Variants in RPTOR observed in about 807,000 individuals in gnomAD.
RPTOR encodes the protein regulatory-associated protein of mTOR.
RPTOR carries 21 observed loss-of-function variants against 169.9 expected under a neutral mutation model. The observed-to-expected ratio is 0.12, with a 90% CI of 0.09 to 0.18. The LOEUF (loss-of-function observed/expected upper bound fraction) is 0.18, where lower values mean the gene tolerates loss of function less well. Ranked by LOEUF, RPTOR falls within the 10% of genes least tolerant of loss-of-function variation. The probability of loss-of-function intolerance (pLI) is 1.00; values close to 1 mark genes in which losing one functional copy is unlikely to be tolerated. For missense variants in RPTOR, 1,133 were observed against 1,855.9 expected (o/e 0.61, Z 7.16); for synonymous variants, 732 against 753.2 (o/e 0.97, Z 0.46).
chr17:80,810,305 G>T (rs966254890), intron 7 of RPTOR, among the ~76,000 whole-genome samples: 7 of 151,950 alleles, frequency 4.6e-5, no homozygotes, highest in African/African-American at 9.7e-5. Context: ...TTAAGTCTGC[G>T]ATCCGTTTCA....
intron 3 of RPTOR, among the ~76,000 whole-genome samples, chr17:80,684,454 T>C (rs1234467987): frequency 2.1e-5 from 3 of 142,904 alleles, no homozygotes; most frequent in Admixed American, 7.1e-5. Context: ...ATTTATTTAA[T>C]TTTTCTGGAG....
intron 21 of RPTOR, among the ~76,000 whole-genome samples, chr17:80,913,001 T>A (rs1382227623): frequency 6.6e-6 from 1 of 152,138 alleles, no homozygotes; most frequent in Non-Finnish European, 1.5e-5. Flanking sequence ...CTTGTGTGTG[T>A]GTGTCTGTGT....
chr17:80,951,876 G>C (rs2069183361), intron 28 of RPTOR, among the ~76,000 whole-genome samples: 1 of 152,188 alleles, frequency 6.6e-6, no homozygotes, highest in Non-Finnish European at 1.5e-5. Flanking sequence ...CTGGAGACAG[G>C]GCCTTTACAG....
chr17:80,913,738 C>G (rs1160717786), intron 21 of RPTOR, among the ~76,000 whole-genome samples: 1 of 152,202 alleles, frequency 6.6e-6, no homozygotes, highest in African/African-American at 2.4e-5. Flanking sequence ...CAGGCATGAG[C>G]CACTGCACCT....
intron 5 of RPTOR, among the ~76,000 whole-genome samples, chr17:80,741,114 A>G (rs2066478273): frequency 6.6e-6 from 1 of 152,158 alleles, no homozygotes. Context: ...GCTTCAGAAG[A>G]TAGTCTGGCA....
chr17:80,804,900 G>C (rs901816100), intron 7 of RPTOR: 5 of 152,312 alleles, frequency 3.3e-5, no homozygotes, highest in African/African-American at 9.7e-5. Flanking sequence ...GATGTGTACA[G>C]CATGGGAGGA....
chr17:80,814,450 C>A (rs372256484), intron 7 of RPTOR, among the ~76,000 whole-genome samples: 1 of 152,058 alleles, frequency 6.6e-6, no homozygotes, highest in African/African-American at 2.4e-5. Context: ...GCCACCAGAG[C>A]GTTTCACGAG....
chr17:80,625,640 A>C (rs764920389), intron 1 of RPTOR, 51 bp from the exon 2 acceptor site: 1 of 1,375,780 alleles, frequency 7.3e-7, no homozygotes, highest in Non-Finnish European at 1.0e-6. Flanking sequence ...AAAACACATA[A>C]ACGAGTTCCA....
intron 1 of RPTOR, among the ~76,000 whole-genome samples, chr17:80,616,672 G>C (rs7503186): frequency 0.28 from 43,005 of 152,028 alleles, 6,626 homozygotes; most frequent in Non-Finnish European, 0.36. Context: ...CCTGTAGTCT[G>C]AGCTACTCGG....
At position 80,625,878 on chromosome 17, in the gene RPTOR, T is replaced by A. The variant is rs569943835; in HGVS notation, c.265+85T>A. The stretch of plus-strand genomic sequence containing the variant: ...GGGGCTCGCCAAGCCTGTGGTCTGG[T>A]CCAGGGGCCCGTCTCCAGCTGTGCA... On this transcript the variant is annotated intron_variant, in intron 2 of 33. Coordinates refer to ENST00000306801, the MANE Select transcript of RPTOR (RefSeq NM_020761.3). 3.1e-5 allele frequency: 28 copies of A among 901,612 alleles called. No homozygotes were observed. The African/African-American group carries it at 3.7e-4, about 12-fold the overall frequency. The allele number at this position is 901,612 out of a possible 1,614,324, so 55.9% of individuals were successfully genotyped here. A position where few individuals can be genotyped will look rare whatever the true frequency, so the allele number is the denominator to read the frequency against.
At chr17:80,545,943 G>T in intron 1 of RPTOR, 152 bp downstream of exon 1, 1 of 612,358 alleles carries the variant, frequency 1.6e-6, no homozygotes, top group Non-Finnish European at 2.7e-6. Flanking sequence ...TCAGACTGCA[G>T]TTTTTGGTTG....
At chr17:80,598,595 G>A (rs113827457) in intron 1 of RPTOR, among the ~76,000 whole-genome samples, 27 of 152,364 alleles carry the variant, frequency 1.8e-4, no homozygotes, top group Admixed American at 7.2e-4. Flanking sequence ...AGTCCAAGTT[G>A]CTGATCTTTT....
rs1197342364 is a variant in RPTOR at position 80,617,987 on chromosome 17, C to CTTTTTTTTTTTTTTTTTTTTTTTTTT, written c.163-7693_163-7692insTTTTTTTTTTTTTTTTTTTTTTTTTT. ...TTTAGTTTGCTTAAAATAGTTACAA[C>CTTTTTTTTTTTTTTTTTTTTTTTTTT]TTTTTTTTTTTAAGACGGGGTCTTG... is the stretch of plus-strand genomic sequence containing the variant. On this transcript the variant is annotated intron_variant, in intron 1 of 33. Coordinates refer to ENST00000306801, the MANE Select transcript of RPTOR (RefSeq NM_020761.3). Among the ~76,000 whole-genome samples, 38 of 146,432 alleles carry CTTTTTTTTTTTTTTTTTTTTTTTTTT rather than the reference C, an allele frequency of 2.6e-4. 3 individuals carry two copies. The highest frequency in any genetic ancestry group is 9.2e-4 in the African/African-American group (36 of 39,136).
chr17:80,760,578 A>G (rs2066726682), intron 6 of RPTOR, among the ~76,000 whole-genome samples: 1 of 152,112 alleles, frequency 6.6e-6, no homozygotes, highest in Non-Finnish European at 1.5e-5. Flanking sequence ...CTGAGATTAC[A>G]GGCACGAGCC....
chr17:80,773,944 TG>T (rs961597215), intron 6 of RPTOR: 1 of 985,042 alleles, frequency 1.0e-6, no homozygotes, highest in African/African-American at 1.8e-5. Flanking sequence ...CGGCCTGCCC[TG>T]GGGGCTATGG....
At chr17:80,596,419 G>A (rs1020782122) in intron 1 of RPTOR, among the ~76,000 whole-genome samples, 1 of 151,994 alleles carries the variant, frequency 6.6e-6, no homozygotes, top group African/African-American at 2.4e-5. Context: ...TATTAGGTTC[G>A]ACTTTTTTTT....
intron 2 of RPTOR, among the ~76,000 whole-genome samples, chr17:80,636,772 C>T (rs541045157): frequency 3.3e-4 from 50 of 152,302 alleles, no homozygotes; most frequent in African/African-American, 1.1e-3. Context: ...CTCCCCAACA[C>T]GCCCCAGTGC....
At chr17:80,881,214 C>G (rs1598375092) in intron 14 of RPTOR, among the ~76,000 whole-genome samples, 3 of 142,836 alleles carry the variant, frequency 2.1e-5, no homozygotes, top group South Asian at 4.3e-4. Flanking sequence ...AATTTCACCC[C>G]CTAGTTGGTT....
chr17:80,956,781 T>A (rs536575677), intron 28 of RPTOR, among the ~76,000 whole-genome samples: 1 of 152,066 alleles, frequency 6.6e-6, no homozygotes, highest in Non-Finnish European at 1.5e-5. Context: ...GCTCCGGATG[T>A]TGGGCATCTT....
Sources: allele counts gnomAD v4.1 joint callset (sites outside exome capture counted in the v4.1 genomes callset), GRCh38; gene constraint gnomAD v4.1.1; transcripts MANE v1.5; gene names NCBI Gene and HGNC (gene_info 2026-07-23, HGNC 2026-07-21).